CEP112: variants seen among roughly 807,000 people sequenced by gnomAD.
The protein encoded by CEP112 is centrosomal protein of 112 kDa.
Under a neutral mutation model 153.0 loss-of-function variants are expected in CEP112, and 127 were observed. That is an observed-to-expected ratio of 0.83 (90% CI 0.72 to 0.96). The LOEUF (loss-of-function observed/expected upper bound fraction) is 0.96. CEP112 is among the 40% of genes least tolerant of loss of function. The pLI, the probability that CEP112 is intolerant of heterozygous loss-of-function variation, is 0.00. For synonymous variants in CEP112, 358 were observed against 374.4 expected, an observed-to-expected ratio of 0.96 and a Z score of 0.51; for missense variants, 1,089 against 1,101.2, an observed-to-expected ratio of 0.99 and a Z score of 0.16.
At chr17:66,074,918 C>T (rs1487176808) in intron 8 of CEP112, among the ~76,000 whole-genome samples, 1 of 126,744 alleles carries the variant, frequency 7.9e-6, no homozygotes, top group Non-Finnish European at 1.7e-5. Context: ...CAGAGGAAAA[C>T]AGGCATTACA....
intron 17 of CEP112, among the ~76,000 whole-genome samples, chr17:65,963,733 AC>A (rs1274779517): frequency 6.6e-6 from 1 of 151,078 alleles, no homozygotes; most frequent in Admixed American, 6.6e-5. Context: ...TCCCATCCCC[AC>A]CCCTGTATTT....
At chr17:65,637,954 G>A (rs2078409962) in intron 25 of CEP112, among the ~76,000 whole-genome samples, 3 of 152,212 alleles carry the variant, frequency 2.0e-5, no homozygotes, top group Non-Finnish European at 4.4e-5. Context: ...GAAAGAGCCT[G>A]AGCTTTGTCT....
At chr17:65,765,809 G>GCA (rs57901938) in intron 21 of CEP112, among the ~76,000 whole-genome samples, 303 of 152,198 alleles carry the variant, frequency 2.0e-3, no homozygotes, top group African/African-American at 7.0e-3. Context: ...AGCAGGGCCA[G>GCA]CACACCCTTT....
intron 4 of CEP112, among the ~76,000 whole-genome samples, chr17:66,148,754 G>GAAAACCT (rs1208362197): frequency 1.3e-5 from 2 of 152,108 alleles, no homozygotes; most frequent in East Asian, 3.9e-4. Flanking sequence ...CAGCTTTTGT[G>GAAAACCT]AAATCCTTAG....
intron 20 of CEP112, among the ~76,000 whole-genome samples, chr17:65,869,903 T>C (rs372631914): frequency 4.6e-5 from 7 of 151,728 alleles, no homozygotes; most frequent in African/African-American, 1.7e-4. Flanking sequence ...TTAATTTGGT[T>C]AAAAACTTTA....
At chr17:66,067,975 G>A (rs748038653) in intron 9 of CEP112, among the ~76,000 whole-genome samples, 1 of 152,134 alleles carries the variant, frequency 6.6e-6, no homozygotes, top group Non-Finnish European at 1.5e-5. Context: ...GAGATGACAT[G>A]TAATCAGCCT....
chr17:65,840,288 C>A (rs1392477730), intron 21 of CEP112, among the ~76,000 whole-genome samples: 1 of 152,136 alleles, frequency 6.6e-6, no homozygotes. Context: ...ATAACCAAAA[C>A]AGCATGGTAC....
chr17:65,753,086 T>TA (rs2051990756), intron 21 of CEP112, among the ~76,000 whole-genome samples: 1 of 152,206 alleles, frequency 6.6e-6, no homozygotes, highest in African/African-American at 2.4e-5. Context: ...GGAGTAGAGA[T>TA]AAAAACAGGT....
At chr17:65,849,688 T>C (rs2057857259) in intron 21 of CEP112, among the ~76,000 whole-genome samples, 1 of 152,198 alleles carries the variant, frequency 6.6e-6, no homozygotes, top group Non-Finnish European at 1.5e-5. Flanking sequence ...CAGGTATCTG[T>C]GCTATTTAAG....
intron 20 of CEP112, among the ~76,000 whole-genome samples, chr17:65,855,773 T>C (rs1176099876): frequency 7.9e-5 from 12 of 152,176 alleles, no homozygotes; most frequent in Non-Finnish European, 1.8e-4. Flanking sequence ...ATTTTTTAAG[T>C]GCGTAATAGG....
At chr17:65,784,839 A>T (rs62065066) in intron 21 of CEP112, among the ~76,000 whole-genome samples, 31,011 of 152,110 alleles carry the variant, frequency 0.2, 3,287 homozygotes, top group South Asian at 0.28. Flanking sequence ...AAAGTTCATA[A>T]TTTAAAACTG....
chr17:66,022,239 C>T (rs34139776), intron 16 of CEP112, among the ~76,000 whole-genome samples: 78,252 of 151,816 alleles, frequency 0.52, 21,078 homozygotes, highest in African/African-American at 0.59. Flanking sequence ...TAGTTATATC[C>T]GCAAGAAAAA....
At chr17:65,690,444 A>AAAG (rs2048052809) in intron 23 of CEP112, among the ~76,000 whole-genome samples, 1 of 150,892 alleles carries the variant, frequency 6.6e-6, no homozygotes, top group Non-Finnish European at 1.5e-5. Context: ...AAAAAAAAAA[A>AAAG]AAAATCCTTG....
intron 18 of CEP112, among the ~76,000 whole-genome samples, chr17:65,930,903 C>A (rs1474918709): frequency 6.6e-6 from 1 of 151,816 alleles, no homozygotes; most frequent in African/African-American, 2.4e-5. Context: ...CTCAGGTTTT[C>A]CTTCTTCTCT....
rs562102656 is a variant in CEP112 at position 65,837,288 on chromosome 17, T to C, written c.2394+14516A>G. Reference sequence around the variant, plus strand: ...CATCGTCTGGGATGTGAGGAGCCCCTCTGCCCGGCCGCCCAGTCTGGAAAG... The same window carrying C: ...CATCGTCTGGGATGTGAGGAGCCCCCCTGCCCGGCCGCCCAGTCTGGAAAG... On this transcript the variant is annotated intron_variant, in intron 21 of 26. Transcript: ENST00000535342. Among the ~76,000 whole-genome samples, 1,250 of 151,790 alleles carry C rather than the reference T, an allele frequency of 8.2e-3. 17 individuals are homozygous for C. The highest frequency in any genetic ancestry group is 0.029 in the African/African-American group (1,179 of 41,324).
At chr17:65,776,707 G>T (rs2053699665) in intron 21 of CEP112, among the ~76,000 whole-genome samples, 1 of 152,116 alleles carries the variant, frequency 6.6e-6, no homozygotes, top group Admixed American at 6.5e-5. Flanking sequence ...TTGCACCACT[G>T]ATTATATTTT....
chr17:65,956,098 C>T (rs2061992468), intron 18 of CEP112, among the ~76,000 whole-genome samples: 1 of 152,044 alleles, frequency 6.6e-6, no homozygotes, highest in Non-Finnish European at 1.5e-5. Flanking sequence ...CATAACAGGC[C>T]ACAAAACGAG....
At position 65,708,257 on chromosome 17, in the gene CEP112, G is replaced by C. The variant is rs868191927; in HGVS notation, c.2608-19039C>G. Among the ~76,000 whole-genome samples the C allele has an allele frequency of 7.9e-5, 12 of 151,974 alleles. 1 individual carries two copies. Among genetic ancestry groups the C allele is most frequent in the Admixed American group, 5.9e-4 (9 of 15,250 alleles). On this transcript the variant is annotated intron_variant, in intron 23 of 26. Transcript: ENST00000535342. Reference sequence around the variant, plus strand: ...AATTCTATTTCCCCATTGATGTGCTGTTAGTATGGTTTGTCAGTCCAATTT... The same window carrying C: ...AATTCTATTTCCCCATTGATGTGCTCTTAGTATGGTTTGTCAGTCCAATTT...
intron 21 of CEP112, among the ~76,000 whole-genome samples, chr17:65,760,470 TG>T (rs1470554307): frequency 2.0e-5 from 3 of 152,086 alleles, no homozygotes; most frequent in Non-Finnish European, 4.4e-5. Flanking sequence ...TTTTCATGAG[TG>T]GCTGCTGAAT....
Sources: allele counts gnomAD v4.1 joint callset (sites outside exome capture counted in the v4.1 genomes callset), GRCh38; gene constraint gnomAD v4.1.1; transcripts MANE v1.5; gene names NCBI Gene and HGNC (gene_info 2026-07-23, HGNC 2026-07-21).